The following FARS2 variants were observed in gnomAD, a reference collection of about 807,000 sequenced individuals.
FARS2 encodes the protein phenylalanine--tRNA ligase, mitochondrial.
Under a neutral mutation model 46.4 loss-of-function variants are expected in FARS2, and 40 were observed. That is an observed-to-expected ratio of 0.86 (90% CI 0.67 to 1.12). FARS2 has a LOEUF of 1.12. Ranked by LOEUF, FARS2 falls within the 50% of genes most tolerant of loss-of-function variation. The pLI is 0.00. For synonymous variants in FARS2, 234 were observed against 214.9 expected, an observed-to-expected ratio of 1.09 and a Z score of -0.78; for missense variants, 513 against 567.9, an observed-to-expected ratio of 0.90 and a Z score of 0.98.
Position 5,548,870 on chromosome 6 carries a change from T to C in FARS2, c.1065+3530T>C, listed in dbSNP as rs1225545161. The stretch of plus-strand genomic sequence containing the variant: ...TTTGTGTAACAAACTTAAGAACTTC[T>C]AACGGGGCAATTAGGATTTGTACAT... On this transcript the variant is annotated intron_variant, in intron 5 of 6. Transcript: ENST00000274680. Among the ~76,000 whole-genome samples the C allele has an allele frequency of 2.6e-5, 4 of 152,336 alleles. No individual in the cohort carries two copies. In the East Asian group the frequency reaches 5.8e-4, roughly 22 times the overall value.
chr6:5,652,608 A>G (rs1193171217), intron 6 of FARS2, among the ~76,000 whole-genome samples: 1 of 152,166 alleles, frequency 6.6e-6, no homozygotes, highest in Non-Finnish European at 1.5e-5. Flanking sequence ...TCAGGCCTTC[A>G]TTTCTCGCTT....
At chr6:5,368,473 G>C in intron 1 of FARS2, 77 bp from the exon 2 acceptor site, 1 of 1,284,450 alleles carries the variant, frequency 7.8e-7, no homozygotes, top group Non-Finnish European at 1.1e-6. Flanking sequence ...AGAGGGAGCT[G>C]GTGGGAGATG....
At position 5,343,600 on chromosome 6, in the gene FARS2, A is replaced by G. The variant is rs1757033641; in HGVS notation, c.-21-24950A>G. Among the ~76,000 whole-genome samples the G allele has an allele frequency of 6.6e-6, 1 of 152,238 alleles. No homozygotes were observed. Among genetic ancestry groups the G allele is most frequent in the East Asian group, 1.9e-4 (1 of 5,200 alleles). On this transcript the variant is annotated intron_variant, in intron 1 of 6. Coordinates refer to ENST00000274680, the MANE Select transcript of FARS2 (RefSeq NM_006567.5). The surrounding 1 kb of genome is among the most constrained non-coding windows in gnomAD (Gnocchi z 4.5). ...TATACATTTTATAACTAGAAATTGT[A>G]CACATTTTTAGTTCTTTGGAACATG...
At chr6:5,492,805 G>T (rs746688191) in intron 4 of FARS2, among the ~76,000 whole-genome samples, 97 of 152,252 alleles carry the variant, frequency 6.4e-4, no homozygotes, top group Non-Finnish European at 9.6e-4. Flanking sequence ...GGCTTTCCCT[G>T]CAATCTTTTG....
At chr6:5,258,984 A>G (rs1764808358), upstream of FARS2, among the ~76,000 whole-genome samples, 1 of 152,232 alleles carries the variant, frequency 6.6e-6, no homozygotes, top group Admixed American at 6.5e-5. Flanking sequence ...ATCATTTCCA[A>G]AGAGAATTTC....
intron 4 of FARS2, among the ~76,000 whole-genome samples, chr6:5,480,319 G>T (rs1766377858): frequency 6.6e-6 from 1 of 152,182 alleles, no homozygotes; most frequent in Non-Finnish European, 1.5e-5. Flanking sequence ...AGAAGTGGAG[G>T]ATGTAATTTG....
intron 6 of FARS2, among the ~76,000 whole-genome samples, chr6:5,711,648 T>A (rs1759179270): frequency 6.6e-6 from 1 of 151,926 alleles, no homozygotes; most frequent in Non-Finnish European, 1.5e-5. Flanking sequence ...GGGGAAAAAA[T>A]AAGACACATG....
intron 6 of FARS2, among the ~76,000 whole-genome samples, chr6:5,666,351 G>C (rs1169874088): frequency 6.6e-6 from 1 of 152,162 alleles, no homozygotes; most frequent in Admixed American, 6.6e-5. Flanking sequence ...GGCCACTGCA[G>C]GTCCCTGAAT....
intron 1 of FARS2, among the ~76,000 whole-genome samples, chr6:5,321,100 C>T (rs1312261587): frequency 6.6e-6 from 1 of 152,206 alleles, no homozygotes; most frequent in African/African-American, 2.4e-5. Context: ...TTCTCTTAGA[C>T]ATCGAAGCAA....
At chr6:5,491,740 C>T (rs1767126756) in intron 4 of FARS2, among the ~76,000 whole-genome samples, 10 of 152,190 alleles carry the variant, frequency 6.6e-5, no homozygotes, top group Admixed American at 6.5e-4. Flanking sequence ...CCCTCTTTCT[C>T]GCTAGTCCCT....
At chr6:5,505,083 AATAAT>A in intron 4 of FARS2, among the ~76,000 whole-genome samples, 1 of 152,250 alleles carries the variant, frequency 6.6e-6, no homozygotes, top group East Asian at 1.9e-4. Context: ...GACATTTCAA[AATAAT>A]ATAATTTTAA....
At chr6:5,568,366 T>C (rs955530354) in intron 5 of FARS2, among the ~76,000 whole-genome samples, 1 of 152,198 alleles carries the variant, frequency 6.6e-6, no homozygotes, top group Admixed American at 6.6e-5. Flanking sequence ...AAGAGCGTTA[T>C]TAATTATTTA....
At chr6:5,633,965 C>T (rs1776420603) in intron 6 of FARS2, among the ~76,000 whole-genome samples, 1 of 152,108 alleles carries the variant, frequency 6.6e-6, no homozygotes, top group African/African-American at 2.4e-5. Flanking sequence ...TTTTATTATC[C>T]TTCATCATAT....
At chr6:5,599,048 C>T (rs943819796) in intron 5 of FARS2, among the ~76,000 whole-genome samples, 7 of 152,180 alleles carry the variant, frequency 4.6e-5, no homozygotes, top group African/African-American at 7.2e-5. Context: ...GAGTCCCTAT[C>T]AGAATGGGGG....
chr6:5,670,562 G>C (rs899102056), intron 6 of FARS2, among the ~76,000 whole-genome samples: 2 of 152,182 alleles, frequency 1.3e-5, no homozygotes, highest in African/African-American at 4.8e-5. Flanking sequence ...CAAATGAAAT[G>C]TAGAATATCA....
At position 5,771,280 on chromosome 6, in the gene FARS2, C is replaced by T. The variant is rs1292157933; in HGVS notation, c.1218-11C>T. On this transcript the variant is annotated splice_polypyrimidine_tract_variant and intron_variant, in intron 6 of 6. Transcript: ENST00000274680. ...ATCCCGCACTCACCTGTGTTCTCTT[C>T]CTCTCTGTAGGACGCACAAGACCAG... 1 of 1,614,054 alleles carries T rather than the reference C, an allele frequency of 6.2e-7. No homozygotes were observed. The highest frequency in any genetic ancestry group is 8.5e-7 in the Non-Finnish European group (1 of 1,179,958).
intron 4 of FARS2, among the ~76,000 whole-genome samples, chr6:5,445,341 G>A (rs1330689375): frequency 6.6e-6 from 1 of 152,146 alleles, no homozygotes; most frequent in Non-Finnish European, 1.5e-5. Flanking sequence ...CTGCAAAAAG[G>A]CAATTTAGAA....
At chr6:5,406,287 C>T (rs1407778875) in intron 3 of FARS2, among the ~76,000 whole-genome samples, 1 of 152,190 alleles carries the variant, frequency 6.6e-6, no homozygotes, top group African/African-American at 2.4e-5. Context: ...AGTTGACATA[C>T]AATGAACTGC....
chr6:5,721,038 G>A lies in FARS2; in HGVS notation c.1218-50253G>A, dbSNP rs548798198. ...ACTATACTCTAGCCTGGGTGACATA[G>A]TGAAACCTGTCTCTTTAAAAAGAAA... is the stretch of plus-strand genomic sequence containing the variant. On this transcript the variant is annotated intron_variant, in intron 6 of 6. Transcript: ENST00000274680. Among the ~76,000 whole-genome samples, 49 of 152,316 alleles carry A rather than the reference G, an allele frequency of 3.2e-4. 1 individual carries two copies. In the South Asian group the frequency reaches 7.3e-3, roughly 23 times the overall value.
Sources: gnomAD v4.1 joint callset for allele counts (sites outside exome capture counted in the v4.1 genomes callset) on GRCh38, gnomAD v4.1.1 for gene constraint, Gnocchi (gnomAD v3.1) non-coding constraint, MANE v1.5 for transcripts, NCBI Gene and HGNC (gene_info 2026-07-23, HGNC 2026-07-21) for gene names.